ADORA2B: variants seen among roughly 807,000 people sequenced by gnomAD.
ADORA2B encodes adenosine A2b receptor, also known as adenosine receptor A2b.
ADORA2B carries 18 observed loss-of-function variants against 20.8 expected under a neutral mutation model. The ratio of observed to expected loss-of-function variants is 0.87; its 90% CI spans 0.60 to 1.29. The LOEUF (loss-of-function observed/expected upper bound fraction) is 1.29. Among genes scored for constraint, ADORA2B ranks in the 50% most tolerant of loss-of-function variants. The probability of loss-of-function intolerance (pLI) is 0.00; values close to 1 mark genes in which losing one functional copy is unlikely to be tolerated. For synonymous variants in ADORA2B, 179 were observed against 178.3 expected, an observed-to-expected ratio of 1.00 and a Z score of -0.03; for missense variants, 441 against 422.7, an observed-to-expected ratio of 1.04 and a Z score of -0.38.
chr17:15,874,070 A>G, the ADORA2B span, among the ~76,000 whole-genome samples: 40 of 85,154 alleles, frequency 4.7e-4, no homozygotes, highest in East Asian at 2.5e-3. Flanking sequence ...GTGTGTGTGT[A>G]TATATATATA....
the ADORA2B span, among the ~76,000 whole-genome samples, chr17:15,890,815 A>G: frequency 2.0e-5 from 3 of 152,130 alleles, no homozygotes; most frequent in Non-Finnish European, 4.4e-5. Flanking sequence ...ATTTTATGGA[A>G]TGGGGCATCA....
At chr17:15,894,362 C>T in the ADORA2B span, among the ~76,000 whole-genome samples, 1 of 152,174 alleles carries the variant, frequency 6.6e-6, no homozygotes, top group East Asian at 1.9e-4. Context: ...TGAGGGGAGA[C>T]AGTGGCAGTG....
At chr17:15,959,404 T>C (rs1970008204) in intron 1 of ADORA2B, among the ~76,000 whole-genome samples, 1 of 152,178 alleles carries the variant, frequency 6.6e-6, no homozygotes. Context: ...CATTACTATA[T>C]ACCTTTCACT....
At chr17:15,912,384 TA>T in the ADORA2B span, among the ~76,000 whole-genome samples, 28 of 148,378 alleles carry the variant, frequency 1.9e-4, no homozygotes, top group Middle Eastern at 3.5e-3. Flanking sequence ...TGTATCAAAT[TA>T]AAAAAAAAAA....
At chr17:15,885,933 T>C in the ADORA2B span, among the ~76,000 whole-genome samples, 2 of 152,312 alleles carry the variant, frequency 1.3e-5, no homozygotes, top group East Asian at 3.9e-4. Context: ...TGTTACTCTT[T>C]AGAGCAGTGG....
chr17:15,907,644 T>G, the ADORA2B span, among the ~76,000 whole-genome samples: 4 of 151,914 alleles, frequency 2.6e-5, no homozygotes, highest in Non-Finnish European at 4.4e-5. Flanking sequence ...ACCAGCAAAT[T>G]AGCAAAAAAT....
chr17:15,879,904 T>TAA, the ADORA2B span, among the ~76,000 whole-genome samples: 1 of 138,888 alleles, frequency 7.2e-6, no homozygotes, highest in Non-Finnish European at 1.5e-5. Context: ...CTTGAAACTT[T>TAA]AAAAAAAAAA....
the ADORA2B span, among the ~76,000 whole-genome samples, chr17:15,888,860 T>A: frequency 1.0e-4 from 5 of 49,488 alleles, no homozygotes; most frequent in Non-Finnish European, 1.5e-4. Flanking sequence ...ATTTTTTTTT[T>A]TTTTTTTTTT....
At chr17:15,963,082 A>G (rs1015424344) in intron 1 of ADORA2B, among the ~76,000 whole-genome samples, 13 of 152,296 alleles carry the variant, frequency 8.5e-5, no homozygotes, top group East Asian at 3.9e-4. Flanking sequence ...TCTGGGCCCT[A>G]GCAATAAACA....
chr17:15,943,612 C>T (rs576997047), upstream of ADORA2B, among the ~76,000 whole-genome samples: 1 of 152,184 alleles, frequency 6.6e-6, no homozygotes, highest in African/African-American at 2.4e-5. Context: ...GGATTATAGG[C>T]GTGAGCCATG....
In ADORA2B at chr17:15,975,541, G is replaced by A; in HGVS notation, c.*199G>A. The A allele has an allele frequency of 1.7e-6, 1 of 595,938 alleles. No individual in the cohort carries two copies. The highest frequency in any genetic ancestry group is 2.1e-5 in the South Asian group (1 of 46,816). The allele number at this position is 595,938 out of a possible 1,614,324, so 36.9% of individuals were successfully genotyped here. On this transcript the variant is annotated 3_prime_UTR_variant, in exon 2 of 2. Transcript: ENST00000304222. ...TCCAAGGATTGACAAATATATTTAT[G>A]ATCTATTCAGCTGCTTTTACTGTGT...
chr17:15,935,803 T>C, the ADORA2B span, among the ~76,000 whole-genome samples: 1 of 152,234 alleles, frequency 6.6e-6, no homozygotes, highest in East Asian at 1.9e-4. Flanking sequence ...TCACTAATTT[T>C]TACTTTTGCA....
chr17:15,886,220 A>G, the ADORA2B span, among the ~76,000 whole-genome samples: 3 of 144,908 alleles, frequency 2.1e-5, 1 homozygote, highest in Non-Finnish European at 4.6e-5. Context: ...CCAGGCTCCC[A>G]GAACTCCATG....
chr17:15,857,369 G>A, the ADORA2B span, among the ~76,000 whole-genome samples: 2 of 152,198 alleles, frequency 1.3e-5, no homozygotes, highest in Admixed American at 6.5e-5. Context: ...TGTGAGGTTG[G>A]TGCCCCCACA....
At chr17:15,913,763 C>T in the ADORA2B span, among the ~76,000 whole-genome samples, 151 of 152,344 alleles carry the variant, frequency 9.9e-4, 1 homozygote, top group Middle Eastern at 3.4e-3. Flanking sequence ...GGGCCGGTCC[C>T]GTCACCCCTC....
the ADORA2B span, among the ~76,000 whole-genome samples, chr17:15,854,172 C>G: frequency 2.0e-5 from 3 of 152,170 alleles, no homozygotes; most frequent in Non-Finnish European, 4.4e-5. Flanking sequence ...TCAGGCTGGT[C>G]TCGAACTCCT....
the ADORA2B span, among the ~76,000 whole-genome samples, chr17:15,904,618 T>G: frequency 6.6e-6 from 1 of 150,666 alleles, no homozygotes; most frequent in African/African-American, 2.4e-5. Flanking sequence ...CGTCATGATC[T>G]GCCCACCTCG....
intron 1 of ADORA2B, among the ~76,000 whole-genome samples, chr17:15,962,442 CTTATT>C (rs1384804260): frequency 2.0e-5 from 3 of 152,104 alleles, no homozygotes; most frequent in Non-Finnish European, 4.4e-5. Context: ...CTTGCCCTTC[CTTATT>C]TTATTAATGT....
chr17:15,929,788 A>T, the ADORA2B span, among the ~76,000 whole-genome samples: 4 of 152,186 alleles, frequency 2.6e-5, no homozygotes, highest in Non-Finnish European at 5.9e-5. Flanking sequence ...ATCCTGTGTG[A>T]TTGCACCTAC....
Sources: allele counts gnomAD v4.1 joint callset (sites outside exome capture counted in the v4.1 genomes callset), GRCh38; gene constraint gnomAD v4.1.1; transcripts MANE v1.5; gene names NCBI Gene and HGNC (gene_info 2026-07-23, HGNC 2026-07-21).